Variants in KLHL1 observed in about 807,000 individuals in gnomAD.
The protein encoded by KLHL1 is kelch like family member 1, also known as kelch-like protein 1.
In KLHL1, 47 loss-of-function variants were observed where a neutral mutation model predicts 77.7. That is an observed-to-expected ratio of 0.60 (90% CI 0.48 to 0.77). The LOEUF is 0.77. Ranked by LOEUF, KLHL1 falls within the 30% of genes least tolerant of loss-of-function variation. The pLI is 0.00. For synonymous variants in KLHL1, 360 were observed against 325.2 expected (o/e 1.11, Z -1.15); for missense variants, 925 against 910.8 (o/e 1.02, Z -0.20).
chr13:70,015,595 T>G (rs962132178), intron 1 of KLHL1, among the ~76,000 whole-genome samples: 1 of 152,206 alleles, frequency 6.6e-6, no homozygotes, highest in Non-Finnish European at 1.5e-5. Context: ...TTTATTATAG[T>G]ATTCAATAAA....
chr13:70,050,298 TA>T (rs2137391034), intron 1 of KLHL1, among the ~76,000 whole-genome samples: 1 of 152,010 alleles, frequency 6.6e-6, no homozygotes, highest in Admixed American at 6.5e-5. Context: ...AATCTACCCA[TA>T]AAATTCTTCT....
chr13:69,877,469 A>G (rs1880811292), intron 5 of KLHL1, among the ~76,000 whole-genome samples: 1 of 150,232 alleles, frequency 6.7e-6, no homozygotes, highest in Non-Finnish European at 1.5e-5. Flanking sequence ...AACTATATAT[A>G]TATATTTTTT....
intron 1 of KLHL1, among the ~76,000 whole-genome samples, chr13:70,023,122 T>A (rs1885845354): frequency 6.6e-6 from 1 of 151,936 alleles, no homozygotes; most frequent in African/African-American, 2.4e-5. Flanking sequence ...CTTTATGCTT[T>A]TCTGAGGTAA....
At chr13:69,901,350 CTTTG>C (rs1239055613) in intron 4 of KLHL1, among the ~76,000 whole-genome samples, 11 of 152,090 alleles carry the variant, frequency 7.2e-5, no homozygotes, top group Non-Finnish European at 1.5e-4. Context: ...TTACACTTAA[CTTTG>C]TTTGTTGTGA....
chr13:69,823,063 G>A (rs1436149457), intron 6 of KLHL1, among the ~76,000 whole-genome samples: 1 of 152,150 alleles, frequency 6.6e-6, no homozygotes, highest in Non-Finnish European at 1.5e-5. Flanking sequence ...AGACATAGAA[G>A]CCTCACCTCC....
intron 8 of KLHL1, among the ~76,000 whole-genome samples, chr13:69,735,537 A>G (rs1873729356): frequency 6.7e-6 from 1 of 149,428 alleles, no homozygotes; most frequent in African/African-American, 2.4e-5. Context: ...TAATTTAATT[A>G]TGTAATTATT....
At chr13:70,092,126 G>C (rs1307423164) in intron 1 of KLHL1, among the ~76,000 whole-genome samples, 1 of 152,122 alleles carries the variant, frequency 6.6e-6, no homozygotes, top group African/African-American at 2.4e-5. Context: ...AAATAAACCA[G>C]CTGGCACCTT....
chr13:69,790,821 A>C (rs942877566), intron 7 of KLHL1, among the ~76,000 whole-genome samples: 9 of 152,104 alleles, frequency 5.9e-5, no homozygotes, highest in Admixed American at 1.3e-4. Context: ...AGGCCGAGGC[A>C]GGTGGATCAC....
intron 6 of KLHL1, among the ~76,000 whole-genome samples, chr13:69,837,240 A>G (rs888496059): frequency 5.9e-5 from 9 of 151,838 alleles, no homozygotes; most frequent in African/African-American, 2.2e-4. Flanking sequence ...AGATTAGGAT[A>G]AACTTTTATG....
intron 6 of KLHL1, among the ~76,000 whole-genome samples, chr13:69,811,310 G>A (rs1218562078): frequency 5.3e-5 from 8 of 151,714 alleles, no homozygotes; most frequent in African/African-American, 1.7e-4. Flanking sequence ...TGGGATACAA[G>A]GATAATTTAA....
At chr13:70,065,334 G>A (rs74520248) in intron 1 of KLHL1, among the ~76,000 whole-genome samples, 2,668 of 152,228 alleles carry the variant, frequency 0.018, 80 homozygotes, top group African/African-American at 0.059. Context: ...ACAGATGACA[G>A]TGGCATCATA....
intron 8 of KLHL1, among the ~76,000 whole-genome samples, chr13:69,730,552 A>T (rs1357446628): frequency 6.6e-6 from 1 of 152,010 alleles, no homozygotes; most frequent in Non-Finnish European, 1.5e-5. Flanking sequence ...AATTATAAAA[A>T]TTTACATCCA....
intron 8 of KLHL1, among the ~76,000 whole-genome samples, chr13:69,735,240 A>G (rs111904783): frequency 0.011 from 1,683 of 151,842 alleles, 29 homozygotes; most frequent in African/African-American, 0.037. Flanking sequence ...TTTAACCTTA[A>G]TCAATATATG....
chr13:69,967,148 G>T (rs1593633246), intron 2 of KLHL1, among the ~76,000 whole-genome samples: 1 of 152,262 alleles, frequency 6.6e-6, no homozygotes, highest in East Asian at 1.9e-4. Context: ...TGGACTGAAT[G>T]GTAGTTTTAT....
intron 6 of KLHL1, among the ~76,000 whole-genome samples, chr13:69,799,246 T>C (rs2138042741): frequency 6.6e-6 from 1 of 152,328 alleles, no homozygotes; most frequent in Admixed American, 6.5e-5. Context: ...CTTGAACAAC[T>C]GTACTTCCCA....
chr13:70,054,764 A>T (rs1214217586), intron 1 of KLHL1, among the ~76,000 whole-genome samples: 1 of 151,898 alleles, frequency 6.6e-6, no homozygotes, highest in African/African-American at 2.4e-5. Context: ...GGAGCTGAAA[A>T]ATTCAAAAGA....
chr13:69,960,932 G>A (rs1884043194), intron 3 of KLHL1, among the ~76,000 whole-genome samples: 2 of 151,882 alleles, frequency 1.3e-5, no homozygotes, highest in African/African-American at 2.4e-5. Flanking sequence ...ACACATTCCA[G>A]GGAAAAAGTT....
intron 5 of KLHL1, among the ~76,000 whole-genome samples, chr13:69,854,493 T>C (rs1879812542): frequency 6.6e-6 from 1 of 151,990 alleles, no homozygotes; most frequent in South Asian, 2.1e-4. Context: ...CCACATTGGT[T>C]ACCATGAAGT....
intron 1 of KLHL1, among the ~76,000 whole-genome samples, chr13:70,100,501 A>G (rs1887899970): frequency 6.6e-6 from 1 of 152,086 alleles, no homozygotes; most frequent in Non-Finnish European, 1.5e-5. Context: ...TCAAATAAAA[A>G]GTTTTGTATT....
Sources: allele counts gnomAD v4.1 joint callset (sites outside exome capture counted in the v4.1 genomes callset), GRCh38; gene constraint gnomAD v4.1.1; transcripts MANE v1.5; gene names NCBI Gene and HGNC (gene_info 2026-07-23, HGNC 2026-07-21).